Variants in RHBDL3 observed in about 807,000 individuals in gnomAD.
The protein encoded by RHBDL3 is rhomboid like 3, also known as rhomboid-related protein 3.
In RHBDL3, 28 loss-of-function variants were observed where a neutral mutation model predicts 48.2. The observed-to-expected ratio is 0.58, with a 90% CI of 0.43 to 0.80. The LOEUF (loss-of-function observed/expected upper bound fraction) is 0.80, where lower values mean the gene tolerates loss of function less well. Among genes scored for constraint, RHBDL3 ranks in the 30% least tolerant of loss-of-function variants. The probability of loss-of-function intolerance (pLI) is 0.00; values close to 1 mark genes in which losing one functional copy is unlikely to be tolerated. For synonymous variants in RHBDL3, 208 were observed against 232.3 expected, an observed-to-expected ratio of 0.90 and a Z score of 0.95; for missense variants, 464 against 542.7, an observed-to-expected ratio of 0.85 and a Z score of 1.44.
intron 7 of RHBDL3, among the ~76,000 whole-genome samples, chr17:32,313,419 T>C (rs867097469): frequency 2.9e-4 from 44 of 152,340 alleles, no homozygotes; most frequent in South Asian, 6.2e-4. Context: ...AAATGTACCA[T>C]CTTAAAGTAT....
At chr17:32,279,376 G>T (rs2039987660) in intron 2 of RHBDL3, among the ~76,000 whole-genome samples, 1 of 152,176 alleles carries the variant, frequency 6.6e-6, no homozygotes, top group South Asian at 2.1e-4. Context: ...GCTCCTCAGT[G>T]CCCTCCCCAG....
At chr17:32,268,063 A>G (rs2039680028) in intron 2 of RHBDL3, 138 bp downstream of exon 2, 1 of 753,474 alleles carries the variant, frequency 1.3e-6, no homozygotes, top group East Asian at 2.5e-5. Context: ...GTGCATCTCT[A>G]GGGCTGAACG....
At chr17:32,282,911 C>T (rs183116515) in intron 2 of RHBDL3, among the ~76,000 whole-genome samples, 171 of 152,230 alleles carry the variant, frequency 1.1e-3, no homozygotes, top group African/African-American at 3.1e-3. Context: ...CATGAGCCAC[C>T]GCGCCCGGCC....
chr17:32,291,404 G>A (rs1417710757), intron 4 of RHBDL3, among the ~76,000 whole-genome samples: 4 of 151,936 alleles, frequency 2.6e-5, no homozygotes, highest in African/African-American at 7.3e-5. Context: ...TATCCTGGCC[G>A]GGCACAGTGG....
intron 5 of RHBDL3, among the ~76,000 whole-genome samples, chr17:32,294,971 T>G (rs893767334): frequency 2.6e-5 from 4 of 152,234 alleles, no homozygotes; most frequent in Non-Finnish European, 5.9e-5. Flanking sequence ...TCCCACTTCA[T>G]GATAAGGGCC....
In RHBDL3 at chr17:32,269,464, T is replaced by G. The variant is rs116326697; in HGVS notation, c.135+1539T>G. Among the ~76,000 whole-genome samples the G allele has an allele frequency of 5.1e-3, 783 of 152,348 alleles. 3 individuals carry two copies. Among genetic ancestry groups the G allele is most frequent in the African/African-American group, 0.017 (727 of 41,574 alleles). On this transcript the variant is annotated intron_variant, in intron 2 of 8. Transcript: ENST00000269051. The stretch of plus-strand genomic sequence containing the variant: ...CCGGTTGCAGATGCCGGAGTGGGCG[T>G]GATGACACGGAATTGCAGCGCGAAA...
At chr17:32,293,343 A>G (rs1050899908) in intron 4 of RHBDL3, among the ~76,000 whole-genome samples, 19 of 152,124 alleles carry the variant, frequency 1.2e-4, no homozygotes, top group African/African-American at 4.6e-4. Context: ...GCACTTTGGG[A>G]GGCCGAGGTG....
At chr17:32,316,378 C>T in intron 8 of RHBDL3, 86 bp downstream of exon 8, 1 of 1,010,730 alleles carries the variant, frequency 9.9e-7, no homozygotes, top group Non-Finnish European at 1.5e-6. Flanking sequence ...CCTTCACGGG[C>T]TTATGGTCAA....
At chr17:32,269,664 C>T (rs749091951) in intron 2 of RHBDL3, among the ~76,000 whole-genome samples, 4 of 152,214 alleles carry the variant, frequency 2.6e-5, no homozygotes, top group Non-Finnish European at 5.9e-5. Flanking sequence ...GAGCCCGCTG[C>T]GCCACTGCCA....
chr17:32,266,275 AG>A lies in RHBDL3; in HGVS notation c.87del (p.Glu29AspfsTer70). On this transcript the variant is annotated frameshift_variant, in exon 1 of 9. Transcript: ENST00000269051. LOFTEE classifies it high-confidence loss of function. ...GAGGAGCTGGAACCCGAGGCCGAGG[AG>A]CGGCTGCCCGCGGCGCCGGAGGACG... ...RIEELEPEAEERLPAAPEDHW... is the reference protein window; with the variant it reads ...RIEELEPEAEXRLPAAPEDHW... 1 of 1,467,512 alleles carries A rather than the reference AG, an allele frequency of 6.8e-7. No individual in the cohort carries two copies. Among genetic ancestry groups the A allele is most frequent in the South Asian group, 1.3e-5 (1 of 77,716 alleles). The allele number at this position is 1,467,512 out of a possible 1,614,324, so 90.9% of individuals were successfully genotyped here.
At chr17:32,310,251 T>C (rs979619864) in intron 7 of RHBDL3, among the ~76,000 whole-genome samples, 1 of 152,144 alleles carries the variant, frequency 6.6e-6, no homozygotes, top group Non-Finnish European at 1.5e-5. Flanking sequence ...CAAGGGAAGA[T>C]GGTTGCCTAA....
intron 6 of RHBDL3, among the ~76,000 whole-genome samples, chr17:32,299,827 G>C (rs1002060071): frequency 6.6e-6 from 1 of 152,152 alleles, no homozygotes; most frequent in Admixed American, 6.5e-5. Context: ...GCACTGTTCT[G>C]TCTGAGTCAG....
chr17:32,275,429 AAGG>A (rs761218841), intron 2 of RHBDL3, among the ~76,000 whole-genome samples: 39 of 152,298 alleles, frequency 2.6e-4, no homozygotes, highest in African/African-American at 6.7e-4. Flanking sequence ...AGGAGGTCGG[AAGG>A]AGGAGAAGGG....
intron 6 of RHBDL3, among the ~76,000 whole-genome samples, chr17:32,299,688 A>T (rs934379623): frequency 6.6e-6 from 1 of 152,226 alleles, no homozygotes; most frequent in Non-Finnish European, 1.5e-5. Flanking sequence ...ACCAGGTGAC[A>T]TGCAGTGGGG....
chr17:32,320,826 T>C, intron 8 of RHBDL3, 132 bp from the exon 9 acceptor site: 1 of 657,552 alleles, frequency 1.5e-6, no homozygotes, highest in Non-Finnish European at 2.7e-6. Context: ...CCTCCTTCAC[T>C]ACTGTGTCCC....
intron 3 of RHBDL3, among the ~76,000 whole-genome samples, chr17:32,287,881 G>A (rs567617268): frequency 1.3e-5 from 2 of 152,286 alleles, no homozygotes; most frequent in East Asian, 1.9e-4. Context: ...CGGAGGCCTC[G>A]GGAGGCCAGG....
At chr17:32,271,957 CTTGGAT>C (rs1042078104) in intron 2 of RHBDL3, among the ~76,000 whole-genome samples, 10 of 152,152 alleles carry the variant, frequency 6.6e-5, no homozygotes, top group Admixed American at 6.5e-4. Flanking sequence ...GGGTCAGAAA[CTTGGAT>C]TTGGAGTCAG....
chr17:32,276,594 A>G (rs984696256), intron 2 of RHBDL3, among the ~76,000 whole-genome samples: 1 of 152,224 alleles, frequency 6.6e-6, no homozygotes, highest in South Asian at 2.1e-4. Context: ...CAGTTGAGCC[A>G]TGGTAACCTT....
chr17:32,305,201 A>T (rs1341904097), intron 6 of RHBDL3, 140 bp from the exon 7 acceptor site: 1 of 652,900 alleles, frequency 1.5e-6, no homozygotes, highest in Non-Finnish European at 2.8e-6. Flanking sequence ...TCTCCCTGGC[A>T]ACATGGACTC....
Sources: allele counts gnomAD v4.1 joint callset (sites outside exome capture counted in the v4.1 genomes callset), GRCh38; gene constraint gnomAD v4.1.1; transcripts MANE v1.5; gene names NCBI Gene and HGNC (gene_info 2026-07-23, HGNC 2026-07-21).